HIVEP3: variants seen among roughly 807,000 people sequenced by gnomAD.
HIVEP3 encodes transcription factor HIVEP3.
In HIVEP3, 49 loss-of-function variants were observed where a neutral mutation model predicts 152.8. The observed-to-expected ratio is 0.32, with a 90% confidence interval of 0.26 to 0.41. The LOEUF is 0.41. Among genes scored for constraint, HIVEP3 ranks in the 10% least tolerant of loss-of-function variants. HIVEP3 has a pLI of 1.00. For missense variants in HIVEP3, 2,790 were observed against 3,103.3 expected, an observed-to-expected ratio of 0.90 and a Z score of 2.40; for synonymous variants, 1,269 against 1,289.0, an observed-to-expected ratio of 0.98 and a Z score of 0.33.
intron 1 of HIVEP3, among the ~76,000 whole-genome samples, chr1:41,836,032 T>C (rs1277653946): frequency 1.3e-5 from 2 of 152,230 alleles, no homozygotes; most frequent in East Asian, 1.9e-4. Flanking sequence ...GGACAGTCCA[T>C]GAACCCTGTG....
Position 41,628,951 on chromosome 1 carries a change from C to A in HIVEP3, c.-720-4G>T. 3 of 1,230,084 alleles carry A rather than the reference C, an allele frequency of 2.4e-6. No homozygotes were observed. Among genetic ancestry groups the A allele is most frequent in the Non-Finnish European group, 3.0e-6 (3 of 987,210 alleles). The allele number at this position is 1,230,084 out of a possible 1,614,324, so 76.2% of individuals were successfully genotyped here. On this transcript the variant is annotated splice_region_variant and splice_polypyrimidine_tract_variant and intron_variant, in intron 2 of 8. Transcript: ENST00000372583. ...TGCTGGGTTTGTGCCTCGAATCCTG[C>A]AGGAGATGATTGAGAAACATGGTCA...
intron 1 of HIVEP3, among the ~76,000 whole-genome samples, chr1:41,713,433 T>C (rs970694053): frequency 6.6e-6 from 1 of 152,186 alleles, no homozygotes; most frequent in African/African-American, 2.4e-5. Flanking sequence ...CCACGAAAGT[T>C]TAACTTGGAG....
intron 1 of HIVEP3, among the ~76,000 whole-genome samples, chr1:41,841,865 G>A (rs372036557): frequency 2.0e-5 from 3 of 152,232 alleles, no homozygotes; most frequent in East Asian, 3.9e-4. Flanking sequence ...CGAGGCAGGT[G>A]GATCACTTGA....
chr1:41,513,230 G>C lies in HIVEP3; in HGVS notation c.5991C>G (p.Cys1997Trp). 4 of 1,613,728 alleles carry C rather than the reference G, an allele frequency of 2.5e-6. No individual in the cohort carries two copies. The South Asian group carries it at 4.4e-5, about 18-fold the overall frequency. ...AGGCCTGTGGTTCTCGGGCCGGGGAGCATCGCTGGGGAGATGAGTCGTTTT... is the reference window on the plus strand; with the variant it reads ...AGGCCTGTGGTTCTCGGGCCGGGGACCATCGCTGGGGAGATGAGTCGTTTT... ...LTKNDSSPQR[C>W]SPAREPQASA... Residue 1997 changes from cysteine to tryptophan, a missense_variant, in exon 8 of 9, where the codon TGC (cysteine) becomes TGG (tryptophan). Transcript: ENST00000372583.
chr1:41,714,013 T>C (rs1646553472), intron 1 of HIVEP3, among the ~76,000 whole-genome samples: 1 of 151,380 alleles, frequency 6.6e-6, no homozygotes, highest in Non-Finnish European at 1.5e-5. Context: ...CTTCAGAACC[T>C]GCCAGCCCTT....
Position 41,584,503 on chromosome 1 carries a change from G to A in HIVEP3, c.295C>T (p.Pro99Ser), listed in dbSNP as rs1644473355. 1 of 1,614,034 alleles carries A rather than the reference G, an allele frequency of 6.2e-7. No homozygotes were observed. Among genetic ancestry groups the A allele is most frequent in the Non-Finnish European group, 8.5e-7 (1 of 1,180,042 alleles). ...GGCGACATGAATGCTGGTGTCAGAG[G>A]GTGCTGCGGAAGCTGTGAGATGTGG... is the stretch of plus-strand genomic sequence containing the variant. ...SVHISQLPQH[P>S]LTPAFMSPGK... The change falls in exon 4 of 9, where the codon CCT (proline) becomes TCT (serine). Residue 99 changes from proline (P) to serine (S), a missense_variant. Physicochemically the swap from Pro to Ser is moderately conservative, Grantham distance 74. Transcript: ENST00000372583. The surrounding 1 kb of genome is among the most constrained non-coding windows in gnomAD (Gnocchi z 5.2).
chr1:41,847,118 T>C (rs557983575), intron 1 of HIVEP3: 52 of 152,380 alleles, frequency 3.4e-4, no homozygotes, highest in Admixed American at 3.4e-3. Context: ...CTTTGACATC[T>C]TTGTAACTTT....
At chr1:41,888,871 CCACATACCTCACA>C (rs1390233480) in intron 1 of HIVEP3, among the ~76,000 whole-genome samples, 3 of 146,338 alleles carry the variant, frequency 2.1e-5, no homozygotes, top group African/African-American at 5.1e-5. Context: ...CACACACACA[CCACATACCTCACA>C]CACATACCCC....
intron 3 of HIVEP3, among the ~76,000 whole-genome samples, chr1:41,623,857 C>T (rs1345563420): frequency 6.6e-6 from 1 of 151,948 alleles, no homozygotes; most frequent in Non-Finnish European, 1.5e-5. Context: ...CACTGCCTCA[C>T]ACCTTGACCT....
At chr1:41,920,583 T>TTG (rs1557522910), upstream of HIVEP3, among the ~76,000 whole-genome samples, 1 of 127,422 alleles carries the variant, frequency 7.8e-6, no homozygotes, top group East Asian at 2.2e-4. Flanking sequence ...GATGGTTTTT[T>TTG]TTTTTTTGTT....
At chr1:41,539,003 G>A (rs972782749) in intron 5 of HIVEP3, among the ~76,000 whole-genome samples, 8 of 152,194 alleles carry the variant, frequency 5.3e-5, no homozygotes, top group Non-Finnish European at 1.2e-4. Flanking sequence ...TCTGGATTGC[G>A]TTGGTTTTCA....
At chr1:41,522,261 C>A (rs1005946388) in intron 6 of HIVEP3, among the ~76,000 whole-genome samples, 8 of 152,242 alleles carry the variant, frequency 5.3e-5, no homozygotes, top group Admixed American at 5.2e-4. Flanking sequence ...GGAGCTCCAG[C>A]GCCCTGCTCT....
chr1:41,855,198 C>T (rs1161529865), intron 1 of HIVEP3, among the ~76,000 whole-genome samples: 8 of 149,144 alleles, frequency 5.4e-5, no homozygotes, highest in African/African-American at 1.7e-4. Context: ...TGTTTCCTGA[C>T]TTTTTAATGA....
chr1:41,665,949 A>G (rs2124058521), intron 2 of HIVEP3, among the ~76,000 whole-genome samples: 1 of 152,204 alleles, frequency 6.6e-6, no homozygotes, highest in Middle Eastern at 3.4e-3. Flanking sequence ...GTGTGTTGGG[A>G]GCACTTTTAA....
At position 41,510,463 on chromosome 1, in the gene HIVEP3, G is replaced by A; in HGVS notation, c.7209C>T (p.Pro2403=). ...AHPHQPEDRV[P]PNA ...AGTTGGAGAGAGGCTAAGCGTTGGG[G>A]GGAACCCTGTCCTCAGGCTGATGTG... Residue 2403 remains proline (P), a synonymous_variant, in exon 9 of 9, where the codon CCC becomes CCT. Coordinates refer to ENST00000372583, the MANE Select transcript of HIVEP3 (RefSeq NM_024503.5). The A allele has an allele frequency of 6.7e-7, 1 of 1,502,594 alleles. No individual in the cohort carries two copies. Among genetic ancestry groups the A allele is most frequent in the East Asian group, 2.4e-5 (1 of 41,340 alleles). The allele number at this position is 1,502,594 out of a possible 1,614,324, so 93.1% of individuals were successfully genotyped here. A position where few individuals can be genotyped will look rare whatever the true frequency, so the allele number is the denominator to read the frequency against.
chr1:41,536,552 G>C (rs1256913108), intron 5 of HIVEP3, among the ~76,000 whole-genome samples: 1 of 152,124 alleles, frequency 6.6e-6, no homozygotes. Context: ...AAGCAGGGGA[G>C]GCGTAGGAGG....
rs371060064 is a variant in HIVEP3 at position 41,583,511 on chromosome 1, G to A, written c.1287C>T (p.Thr429=). The change falls in exon 4 of 9, where the codon ACC becomes ACT. Residue 429 remains threonine (T), a synonymous_variant. Coordinates refer to ENST00000372583, the MANE Select transcript of HIVEP3 (RefSeq NM_024503.5). This position sits in a 1 kb window ranked among gnomAD's most constrained non-coding sequence, Gnocchi z 6.9. The part of the protein sequence containing the change: ...FGKCGRIGQR[T]AMLTATSTQP... ...GGGTGGAGGTGGCTGTCAGCATGGCGGTCCGCTGTCCTATTCGCCCACACT... is the reference window on the plus strand; with the variant it reads ...GGGTGGAGGTGGCTGTCAGCATGGCAGTCCGCTGTCCTATTCGCCCACACT... 22 of 1,614,000 alleles carry A rather than the reference G, an allele frequency of 1.4e-5. 1 individual carries two copies. Among genetic ancestry groups the A allele is most frequent in the Middle Eastern group, 1.6e-4 (1 of 6,062 alleles).
chr1:41,914,835 TCCAACTCC>T (rs1392550002), intron 1 of HIVEP3, among the ~76,000 whole-genome samples: 1 of 152,222 alleles, frequency 6.6e-6, no homozygotes, highest in African/African-American at 2.4e-5. Flanking sequence ...CCAGGTCTCT[TCCAACTCC>T]AGAATTAAAG....
chr1:41,751,093 C>G (rs1339769432), intron 1 of HIVEP3, among the ~76,000 whole-genome samples: 1 of 152,146 alleles, frequency 6.6e-6, no homozygotes, highest in African/African-American at 2.4e-5. Flanking sequence ...CATGTCTAGG[C>G]TCTACCATGC....
Sources: gnomAD v4.1 joint callset for allele counts (sites outside exome capture counted in the v4.1 genomes callset) on GRCh38, gnomAD v4.1.1 for gene constraint, Gnocchi (gnomAD v3.1) non-coding constraint, MANE v1.5 for transcripts, NCBI Gene and HGNC (gene_info 2026-07-23, HGNC 2026-07-21) for gene names.